NFYB: variants seen among roughly 807,000 people sequenced by gnomAD.
NFYB encodes nuclear transcription factor Y subunit beta.
Under a neutral mutation model 28.0 loss-of-function variants are expected in NFYB, and 13 were observed. That is an observed-to-expected ratio of 0.46 (90% confidence interval 0.30 to 0.74). NFYB has a LOEUF of 0.74. Ranked by LOEUF, NFYB falls within the 30% of genes least tolerant of loss-of-function variation. NFYB has a pLI of 0.07. For missense variants in NFYB, 142 were observed against 247.6 expected (o/e 0.57, Z 2.86); for synonymous variants, 74 against 75.0 (o/e 0.99, Z 0.07).
chr12:104,131,610 T>C, intron 2 of NFYB: 1 of 386,286 alleles, frequency 2.6e-6, no homozygotes, highest in Non-Finnish European at 5.1e-6. Context: ...CGCCTATATA[T>C]AAGAATGATG....
In NFYB at chr12:104,126,156, G is replaced by A. The variant is rs201966681; in HGVS notation, c.189C>T (p.Asn63=). 8 of 1,600,260 alleles carry A rather than the reference G, an allele frequency of 5.0e-6. No individual in the cohort carries two copies. The highest frequency in any genetic ancestry group is 4.5e-5 in the East Asian group (2 of 44,130). Residue 63 remains asparagine (N), a synonymous_variant, in exon 4 of 8, where the codon AAC becomes AAT. Transcript: ENST00000240055. The part of the protein sequence containing the change: ...REQDIYLPIA[N]VARIMKNAIP... ...TGGCATTTTTCATTATCCTAGCCAC[G>A]TTTGCTATTGGAAGATATATATCTT...
At chr12:104,135,761 T>C (rs1215451044) in intron 1 of NFYB, among the ~76,000 whole-genome samples, 1 of 152,192 alleles carries the variant, frequency 6.6e-6, no homozygotes, top group Non-Finnish European at 1.5e-5. Flanking sequence ...GTTAATTCCA[T>C]GGGGAAAGGA....
Position 104,135,550 on chromosome 12 carries a change from A to T in NFYB, c.-79-18T>A. The T allele has an allele frequency of 2.3e-5, 24 of 1,059,568 alleles. No homozygotes were observed. The highest frequency in any genetic ancestry group is 2.9e-5 in the Non-Finnish European group (21 of 728,392). 65.6% of individuals were successfully genotyped at this position (1,059,568 alleles called of 1,614,324 possible). On this transcript the variant is annotated intron_variant, in intron 1 of 7. Coordinates refer to ENST00000240055, the MANE Select transcript of NFYB (RefSeq NM_006166.4). Reference sequence around the variant, plus strand: ...ATTTCAACCTAAAAGATAAACATCTATTAGGACCTAACATCTATCAATAGT... The same window carrying T: ...ATTTCAACCTAAAAGATAAACATCTTTTAGGACCTAACATCTATCAATAGT...
chr12:104,127,463 C>T (rs1303425153), intron 3 of NFYB, among the ~76,000 whole-genome samples: 1 of 151,264 alleles, frequency 6.6e-6, no homozygotes, highest in East Asian at 2.0e-4. Context: ...AGCTAACGGG[C>T]AGGCTGAGGC....
At chr12:104,124,142 G>A (rs1049774809) in intron 4 of NFYB, among the ~76,000 whole-genome samples, 1 of 152,084 alleles carries the variant, frequency 6.6e-6, no homozygotes, top group Non-Finnish European at 1.5e-5. Flanking sequence ...CATGAATAAA[G>A]ACACCAGAAA....
At chr12:104,128,348 A>C in intron 3 of NFYB, 76 bp downstream of exon 3, 1 of 1,015,200 alleles carries the variant, frequency 9.9e-7, no homozygotes, top group Admixed American at 2.0e-5. Context: ...AGTAGCCTAG[A>C]ACACCATATT....
At chr12:104,126,564 G>T (rs923735328) in intron 3 of NFYB, among the ~76,000 whole-genome samples, 9 of 152,104 alleles carry the variant, frequency 5.9e-5, no homozygotes, top group Admixed American at 5.2e-4. Context: ...AAATGTAAGT[G>T]CTTCTCTATG....
chr12:104,125,442 A>T (rs1263913558), intron 4 of NFYB: 1 of 147,786 alleles, frequency 6.8e-6, no homozygotes, highest in Non-Finnish European at 1.5e-5. Context: ...AGCCGAGATC[A>T]CGCCACTGCA....
chr12:104,136,231 G>A (rs1283542060), intron 1 of NFYB, among the ~76,000 whole-genome samples: 1 of 152,134 alleles, frequency 6.6e-6, no homozygotes, highest in Non-Finnish European at 1.5e-5. Flanking sequence ...CAATTGCTGT[G>A]TTACAAGTTT....
chr12:104,120,776 C>A (rs1264384153), intron 6 of NFYB, among the ~76,000 whole-genome samples: 1 of 152,160 alleles, frequency 6.6e-6, no homozygotes, highest in Non-Finnish European at 1.5e-5. Flanking sequence ...TTAAACTACA[C>A]TACACCATGA....
intron 4 of NFYB, among the ~76,000 whole-genome samples, chr12:104,125,868 AAAAAAC>A (rs1444237892): frequency 6.6e-6 from 1 of 151,710 alleles, no homozygotes; most frequent in African/African-American, 2.4e-5. Flanking sequence ...AAAAAAAAAA[AAAAAAC>A]AGTCTAAATT....
At chr12:104,135,789 C>T (rs578120466) in intron 1 of NFYB, among the ~76,000 whole-genome samples, 1 of 152,274 alleles carries the variant, frequency 6.6e-6, no homozygotes, top group South Asian at 2.1e-4. Flanking sequence ...GATTTTCCAA[C>T]ATAACCCTGA....
At chr12:104,126,357 T>C in intron 3 of NFYB, 113 bp from the exon 4 acceptor site, 1 of 747,102 alleles carries the variant, frequency 1.3e-6, no homozygotes. Flanking sequence ...TCTTAACCAT[T>C]ATTTAGGGAT....
rs538883306 is a variant in NFYB at position 104,130,933 on chromosome 12, C to T, written c.7-2416G>A. Among the ~76,000 whole-genome samples, 15 of 151,994 alleles carry T rather than the reference C, an allele frequency of 9.9e-5. No homozygotes were observed. In the East Asian group the frequency reaches 2.5e-3, roughly 25 times the overall value. On this transcript the variant is annotated intron_variant, in intron 2 of 7. Transcript: ENST00000240055. ...TTTGGTTGGGGGTGGGGAGGGCAGG[C>T]GGTGGGTTGGGAAGAATAACAGAAA...
intron 1 of NFYB, among the ~76,000 whole-genome samples, chr12:104,137,042 G>C (rs770424679): frequency 2.0e-5 from 3 of 151,216 alleles, no homozygotes; most frequent in Non-Finnish European, 4.4e-5. Flanking sequence ...CCACTGATTA[G>C]TGCCACTGAT....
intron 3 of NFYB, among the ~76,000 whole-genome samples, chr12:104,127,893 C>T (rs1170292340): frequency 1.3e-5 from 2 of 152,000 alleles, no homozygotes; most frequent in Non-Finnish European, 2.9e-5. Context: ...CCATGTTGCC[C>T]AGGCTGGTCT....
At chr12:104,121,425 C>A in intron 5 of NFYB, 104 bp from the exon 6 acceptor site, 1 of 909,688 alleles carries the variant, frequency 1.1e-6, no homozygotes, top group South Asian at 1.6e-5. Flanking sequence ...TTATTACAAA[C>A]TCTAAGCAGA....
rs376470786 is a variant in NFYB, at chr12:104,131,502, C to T, written c.7-2985G>A. 7.1e-5 allele frequency: 18 copies of T among 253,634 alleles called. No homozygotes were observed. In the East Asian group the frequency reaches 7.4e-4, roughly 10 times the overall value. The allele number at this position is 253,634 out of a possible 1,614,324, so 15.7% of individuals were successfully genotyped here. On this transcript the variant is annotated intron_variant, in intron 2 of 7. Coordinates refer to ENST00000240055, the MANE Select transcript of NFYB (RefSeq NM_006166.4). ...TTTCTGATTTATCCTTTCTGCAATT[C>T]AAAAACAAATGTTCTGTTCTTTAAA... is the stretch of plus-strand genomic sequence containing the variant.
intron 5 of NFYB, 49 bp downstream of exon 5, chr12:104,123,177 A>G: frequency 1.4e-6 from 2 of 1,383,028 alleles, no homozygotes; most frequent in Non-Finnish European, 2.0e-6. Flanking sequence ...CTCCACCTCA[A>G]AAAAAAAAAG....
Sources: gnomAD v4.1 joint callset for allele counts (sites outside exome capture counted in the v4.1 genomes callset) on GRCh38, gnomAD v4.1.1 for gene constraint, MANE v1.5 for transcripts, NCBI Gene and HGNC (gene_info 2026-07-23, HGNC 2026-07-21) for gene names.